Variants in SSH2 observed in about 807,000 individuals in gnomAD.
The protein encoded by SSH2 is protein phosphatase Slingshot homolog 2.
A neutral mutation model predicts 135.2 loss-of-function variants in SSH2; 37 were observed. That is an observed-to-expected ratio of 0.27 (90% CI 0.21 to 0.36). The LOEUF is 0.36. SSH2 is among the 10% of genes least tolerant of loss of function. The pLI is 1.00. For synonymous variants in SSH2, 628 were observed against 646.2 expected, an observed-to-expected ratio of 0.97 and a Z score of 0.43; for missense variants, 1,408 against 1,765.3, an observed-to-expected ratio of 0.80 and a Z score of 3.63.
chr17:29,835,450 A>G (rs923694710), intron 2 of SSH2, among the ~76,000 whole-genome samples: 3 of 152,144 alleles, frequency 2.0e-5, no homozygotes, highest in African/African-American at 4.8e-5. Flanking sequence ...TTTCCCTTTC[A>G]CCCACATTCT....
intron 5 of SSH2, among the ~76,000 whole-genome samples, chr17:29,689,074 C>T (rs967676642): frequency 2.0e-5 from 3 of 151,828 alleles, no homozygotes; most frequent in South Asian, 4.1e-4. Context: ...AGGAGAATTG[C>T]TGGAACCCAG....
Position 29,636,301 on chromosome 17 carries a change from C to T in SSH2, c.1929G>A (p.Leu643=). 6.2e-7 allele frequency: 1 copy of T among 1,614,112 alleles called. No individual in the cohort carries two copies. Among genetic ancestry groups the T allele is most frequent in the South Asian group, 1.1e-5 (1 of 91,074 alleles). The stretch of plus-strand genomic sequence containing the variant: ...TGGGGGGGTCTTTCAGTGGAGATGT[C>T]AATTCTTCCATAGGCAGTAGGTGGA... ...MNVHLLPMEE[L]TSPLKDPPMS... is the part of the protein sequence containing the mutation. The change falls in exon 15 of 16, where the codon TTG becomes TTA. Residue 643 remains leucine (L), a synonymous_variant. Coordinates refer to ENST00000540801, the MANE Select transcript of SSH2 (RefSeq NM_001282129.2).
At chr17:29,766,418 A>G (rs975805295) in intron 3 of SSH2, among the ~76,000 whole-genome samples, 1 of 151,958 alleles carries the variant, frequency 6.6e-6, no homozygotes, top group Non-Finnish European at 1.5e-5. Context: ...AGATCGCGCC[A>G]CTGCACTCTA....
intron 6 of SSH2, among the ~76,000 whole-genome samples, chr17:29,681,360 A>AG: frequency 6.6e-6 from 1 of 150,388 alleles, no homozygotes; most frequent in Non-Finnish European, 1.5e-5. Context: ...AAAAAAAAAA[A>AG]AAGTAGCTTT....
chr17:29,925,700 C>A, intron 1 of SSH2: 1 of 389,324 alleles, frequency 2.6e-6, no homozygotes, highest in Non-Finnish European at 4.5e-6. Context: ...CAGTGAGACC[C>A]CATCTAAAAA....
In SSH2 at chr17:29,915,646, C is replaced by G. The variant is rs534668444; in HGVS notation, c.63+14292G>C. 2.6e-5 allele frequency among the ~76,000 whole-genome samples: 4 copies of G among 152,114 alleles called. No individual in the cohort carries two copies. In the South Asian group the frequency reaches 8.3e-4, roughly 32 times the overall value. Reference sequence around the variant, plus strand: ...ATAGCCTATTAAATTGATAAACTTTCAAGGGAAGAAGAATTTTAAAGATTA... The same window carrying G: ...ATAGCCTATTAAATTGATAAACTTTGAAGGGAAGAAGAATTTTAAAGATTA... On this transcript the variant is annotated intron_variant, in intron 1 of 15. Transcript: ENST00000540801.
intron 3 of SSH2, among the ~76,000 whole-genome samples, chr17:29,755,471 T>C (rs1212429291): frequency 6.6e-6 from 1 of 152,012 alleles, no homozygotes; most frequent in Non-Finnish European, 1.5e-5. Flanking sequence ...TAATTACCAA[T>C]AAAATACAGT....
At chr17:29,676,651 A>G in intron 8 of SSH2, 169 bp downstream of exon 8, 2 of 560,056 alleles carry the variant, frequency 3.6e-6, no homozygotes, top group Non-Finnish European at 6.3e-6. Flanking sequence ...AGGCCTTCCA[A>G]TTGCAACAAT....
At chr17:29,921,839 C>T (rs917210046) in intron 1 of SSH2, among the ~76,000 whole-genome samples, 15 of 152,062 alleles carry the variant, frequency 9.9e-5, no homozygotes, top group South Asian at 2.1e-4. Flanking sequence ...TGAGCCACCG[C>T]GCCCAGCCCC....
At chr17:29,654,549 A>C (rs2036706111) in intron 12 of SSH2, among the ~76,000 whole-genome samples, 1 of 152,192 alleles carries the variant, frequency 6.6e-6, no homozygotes, top group African/African-American at 2.4e-5. Context: ...AGCTGGTCTT[A>C]TCTCTTTCCA....
intron 3 of SSH2, among the ~76,000 whole-genome samples, chr17:29,786,162 C>T (rs2041960288): frequency 6.6e-6 from 1 of 152,192 alleles, no homozygotes; most frequent in Admixed American, 6.5e-5. Context: ...TGGGTCATCA[C>T]ACAAGAAAAA....
In SSH2 at chr17:29,630,950, C is replaced by T. The variant is rs769552403; in HGVS notation, c.4244G>A (p.Gly1415Glu). 1.7e-5 allele frequency: 27 copies of T among 1,610,670 alleles called. No homozygotes were observed. The highest frequency in any genetic ancestry group is 2.0e-5 in the Non-Finnish European group (24 of 1,177,218). The change falls in exon 16 of 16, where the codon GGG (glycine) becomes GAG (glutamate). Residue 1415 changes from glycine (G) to glutamate (E), a missense_variant. Coordinates refer to ENST00000540801, the MANE Select transcript of SSH2 (RefSeq NM_001282129.2). ...QGLQCACPAP[G>E]LAVAPRQQHG... is the part of the protein sequence containing the mutation. Reference sequence around the variant, plus strand: ...TTGCTGACGGGGTGCCACGGCCAGCCCTGGAGCTGGGCATGCACACTGCAG... The same window carrying T: ...TTGCTGACGGGGTGCCACGGCCAGCTCTGGAGCTGGGCATGCACACTGCAG...
intron 12 of SSH2, among the ~76,000 whole-genome samples, chr17:29,651,184 C>T (rs558289885): frequency 6.6e-6 from 1 of 152,284 alleles, no homozygotes; most frequent in Admixed American, 6.5e-5. Flanking sequence ...GTCAGCAATA[C>T]AATTTATTCT....
intron 3 of SSH2, among the ~76,000 whole-genome samples, chr17:29,728,792 T>C (rs970305724): frequency 3.3e-5 from 5 of 152,166 alleles, no homozygotes; most frequent in African/African-American, 9.7e-5. Flanking sequence ...AGAACATCCA[T>C]TGGGGAAAGG....
chr17:29,865,086 C>T (rs752269680), intron 1 of SSH2, among the ~76,000 whole-genome samples: 2 of 152,196 alleles, frequency 1.3e-5, no homozygotes, highest in Non-Finnish European at 2.9e-5. Flanking sequence ...ATTCCAATGA[C>T]TTCTCCAGGC....
intron 1 of SSH2, among the ~76,000 whole-genome samples, chr17:29,859,754 A>G (rs970432545): frequency 1.1e-4 from 16 of 152,168 alleles, no homozygotes; most frequent in Non-Finnish European, 1.6e-4. Flanking sequence ...CAATGAACAT[A>G]CACATGCATG....
At chr17:29,635,552 C>T (rs1426599360) in intron 15 of SSH2, among the ~76,000 whole-genome samples, 24 of 33,830 alleles carry the variant, frequency 7.1e-4, no homozygotes, top group African/African-American at 3.4e-3. Flanking sequence ...CTACAGGCGC[C>T]GCCCGCCACC....
chr17:29,785,667 T>C (rs1450879066), intron 3 of SSH2, among the ~76,000 whole-genome samples: 1 of 151,528 alleles, frequency 6.6e-6, no homozygotes, highest in African/African-American at 2.4e-5. Flanking sequence ...GCTCAACTAA[T>C]TTTTGTATTT....
chr17:29,831,501 A>T (rs916971039), intron 2 of SSH2, among the ~76,000 whole-genome samples: 2 of 151,966 alleles, frequency 1.3e-5, no homozygotes, highest in Non-Finnish European at 2.9e-5. Flanking sequence ...AATTTTAAAA[A>T]TTTTCACTGT....
Sources: allele counts gnomAD v4.1 joint callset (sites outside exome capture counted in the v4.1 genomes callset), GRCh38; gene constraint gnomAD v4.1.1; transcripts MANE v1.5; gene names NCBI Gene and HGNC (gene_info 2026-07-23, HGNC 2026-07-21).